Variants in NRG1 observed in about 807,000 individuals in gnomAD.
NRG1 encodes the protein neuregulin 1, also known as pro-neuregulin-1, membrane-bound isoform.
A neutral mutation model predicts 63.8 loss-of-function variants in NRG1; 18 were observed. The ratio of observed to expected loss-of-function variants is 0.28; its 90% CI spans 0.19 to 0.42. NRG1 has a LOEUF of 0.42. Ranked by LOEUF, NRG1 falls within the 10% of genes least tolerant of loss-of-function variation. The probability of loss-of-function intolerance (pLI) is 1.00; values close to 1 mark genes in which losing one functional copy is unlikely to be tolerated. For synonymous variants in NRG1, 302 were observed against 301.3 expected, an observed-to-expected ratio of 1.00 and a Z score of -0.02; for missense variants, 762 against 814.7, an observed-to-expected ratio of 0.94 and a Z score of 0.79.
chr8:32,359,888 G>C (rs1806987736), intron 1 of NRG1, among the ~76,000 whole-genome samples: 1 of 152,168 alleles, frequency 6.6e-6, no homozygotes, highest in South Asian at 2.1e-4. Context: ...GAGATTGTAT[G>C]ATGACCTGAG....
At position 32,156,814 on chromosome 8, in the gene NRG1, T is replaced by C. The variant is rs113391415; in HGVS notation, c.38-439014T>C. On this transcript the variant is annotated intron_variant, in intron 1 of 10. Transcript: ENST00000519301. The stretch of plus-strand genomic sequence containing the variant: ...ACACAGGCATGGTGGCATGGGCCTG[T>C]ATTCTCCGCTACTCTGGAGGCTGAG... Among the ~76,000 whole-genome samples, 10 of 152,252 alleles carry C rather than the reference T, an allele frequency of 6.6e-5. 1 individual carries two copies. Among genetic ancestry groups the C allele is most frequent in the African/African-American group, 2.4e-4 (10 of 41,560 alleles).
intron 1 of NRG1, among the ~76,000 whole-genome samples, chr8:31,754,802 G>A (rs1816807416): frequency 6.6e-6 from 1 of 151,954 alleles, no homozygotes; most frequent in African/African-American, 2.4e-5. Flanking sequence ...GAAGAATGAA[G>A]GGACAATGTT....
At chr8:32,496,160 T>G (rs1827175091) in intron 1 of NRG1, among the ~76,000 whole-genome samples, 1 of 152,224 alleles carries the variant, frequency 6.6e-6, no homozygotes, top group Non-Finnish European at 1.5e-5. Context: ...CAATGTCAAA[T>G]TTCTCAGCAG....
intron 1 of NRG1, among the ~76,000 whole-genome samples, chr8:32,593,840 T>A (rs1010614819): frequency 3.8e-5 from 4 of 103,940 alleles, no homozygotes; most frequent in Admixed American, 2.0e-4. Context: ...CAGAAAAAAA[T>A]ATTTTCAAGG....
At chr8:32,568,805 C>T (rs1254002193) in intron 1 of NRG1, among the ~76,000 whole-genome samples, 1 of 152,088 alleles carries the variant, frequency 6.6e-6, no homozygotes, top group Admixed American at 6.6e-5. Context: ...GAGAGACTTG[C>T]TGTGATTGTA....
intron 1 of NRG1, among the ~76,000 whole-genome samples, chr8:32,025,519 C>T (rs1311430130): frequency 6.6e-6 from 1 of 152,078 alleles, no homozygotes; most frequent in African/African-American, 2.4e-5. Context: ...TTTAGAGGAA[C>T]TATTGACCTC....
intron 1 of NRG1, among the ~76,000 whole-genome samples, chr8:32,289,776 AAT>A (rs2129473930): frequency 6.6e-6 from 1 of 152,344 alleles, no homozygotes; most frequent in Admixed American, 6.5e-5. Flanking sequence ...ATAAATATGA[AAT>A]ATAGTTTTTA....
At chr8:32,366,439 C>T (rs1402939990) in intron 1 of NRG1, among the ~76,000 whole-genome samples, 1 of 151,880 alleles carries the variant, frequency 6.6e-6, no homozygotes, top group Non-Finnish European at 1.5e-5. Context: ...TGAGTGAGAA[C>T]ATGCAATATT....
At chr8:32,039,234 G>A (rs1819544606) in intron 1 of NRG1, among the ~76,000 whole-genome samples, 1 of 152,160 alleles carries the variant, frequency 6.6e-6, no homozygotes, top group Non-Finnish European at 1.5e-5. Context: ...AAAACAAATA[G>A]GATATTTGTT....
chr8:32,328,617 C>CA, intron 1 of NRG1, among the ~76,000 whole-genome samples: 1 of 152,070 alleles, frequency 6.6e-6, no homozygotes, highest in East Asian at 1.9e-4. Context: ...AAAGTAAGGC[C>CA]ATCACAAAAG....
At chr8:31,708,734 C>T (rs1259682312) in intron 1 of NRG1, among the ~76,000 whole-genome samples, 2 of 152,094 alleles carry the variant, frequency 1.3e-5, no homozygotes, top group African/African-American at 2.4e-5. Context: ...CGTGAGCCAC[C>T]GCGCCCGGCC....
At chr8:32,143,036 A>T (rs1836453142) in intron 1 of NRG1, among the ~76,000 whole-genome samples, 1 of 152,168 alleles carries the variant, frequency 6.6e-6, no homozygotes, top group Non-Finnish European at 1.5e-5. Flanking sequence ...CTCCAGACGG[A>T]GGTTTCTTCC....
At chr8:32,489,336 G>T (rs578021683) in intron 1 of NRG1, among the ~76,000 whole-genome samples, 1 of 152,298 alleles carries the variant, frequency 6.6e-6, no homozygotes, top group East Asian at 1.9e-4. Context: ...TGAGCCCCCT[G>T]CCCAACTCCT....
intron 1 of NRG1, among the ~76,000 whole-genome samples, chr8:31,959,531 C>A (rs191964120): frequency 6.6e-6 from 1 of 152,018 alleles, no homozygotes; most frequent in Non-Finnish European, 1.5e-5. Context: ...CACAGGAGAA[C>A]GTAAGACCAG....
At chr8:32,522,011 A>T (rs967466849) in intron 1 of NRG1, among the ~76,000 whole-genome samples, 1 of 152,208 alleles carries the variant, frequency 6.6e-6, no homozygotes, top group Non-Finnish European at 1.5e-5. Flanking sequence ...TTATGTGCAG[A>T]AAAGAAGATG....
chr8:32,674,954 G>A (rs1307531341), intron 5 of NRG1, among the ~76,000 whole-genome samples: 1 of 152,144 alleles, frequency 6.6e-6, no homozygotes, highest in Admixed American at 6.6e-5. Flanking sequence ...CATGGAGCAA[G>A]GATGTGAGAG....
chr8:31,996,541 G>A (rs529300922), intron 1 of NRG1, among the ~76,000 whole-genome samples: 2 of 151,944 alleles, frequency 1.3e-5, no homozygotes, highest in South Asian at 4.1e-4. Flanking sequence ...AGACCAGCCT[G>A]AGTAACAAGT....
At chr8:32,020,262 G>A (rs1198133679) in intron 1 of NRG1, among the ~76,000 whole-genome samples, 3 of 152,090 alleles carry the variant, frequency 2.0e-5, no homozygotes, top group African/African-American at 4.8e-5. Context: ...TTGATGCTAT[G>A]CTAAATGGTA....
In NRG1 at chr8:32,528,877, C is replaced by T. The variant is rs540619430; in HGVS notation, c.38-66951C>T. On this transcript the variant is annotated intron_variant, in intron 1 of 10. Transcript: ENST00000519301. ...ATTGCATGACTATTCCAGTCCTGGA[C>T]TCAATTTGAATAAAAACATAGGAAC... Among the ~76,000 whole-genome samples the T allele has an allele frequency of 3.3e-5, 5 of 152,272 alleles. No homozygotes were observed. The East Asian group carries it at 7.7e-4, about 23-fold the overall frequency.
Sources: gnomAD v4.1 joint callset for allele counts (sites outside exome capture counted in the v4.1 genomes callset) on GRCh38, gnomAD v4.1.1 for gene constraint, MANE v1.5 for transcripts, NCBI Gene and HGNC (gene_info 2026-07-23, HGNC 2026-07-21) for gene names.